PPARGC1A: variants seen among roughly 807,000 people sequenced by gnomAD.
The protein encoded by PPARGC1A is PPARG coactivator 1 alpha.
In PPARGC1A, 25 loss-of-function variants were observed where a neutral mutation model predicts 88.7. The ratio of observed to expected loss-of-function variants is 0.28; its 90% CI spans 0.21 to 0.39. The LOEUF (loss-of-function observed/expected upper bound fraction) is 0.39. Among genes scored for constraint, PPARGC1A ranks in the 10% least tolerant of loss-of-function variants. PPARGC1A has a pLI of 1.00. For missense variants in PPARGC1A, 880 were observed against 968.7 expected (o/e 0.91, Z 1.22); for synonymous variants, 363 against 355.6 (o/e 1.02, Z -0.24).
At chr4:24,390,155 A>G in the PPARGC1A span, among the ~76,000 whole-genome samples, 1 of 152,096 alleles carries the variant, frequency 6.6e-6, no homozygotes, top group Non-Finnish European at 1.5e-5. Flanking sequence ...CTAAGAGTTC[A>G]TGAAATATGA....
intron 2 of PPARGC1A, among the ~76,000 whole-genome samples, chr4:23,855,030 C>T (rs1006623806): frequency 1.9e-4 from 29 of 152,152 alleles, no homozygotes; most frequent in Admixed American, 7.2e-4. Context: ...ATCGTGGGGG[C>T]GCACTCCCCG....
the PPARGC1A span, among the ~76,000 whole-genome samples, chr4:23,955,047 T>C: frequency 2.6e-5 from 4 of 152,084 alleles, no homozygotes; most frequent in Non-Finnish European, 5.9e-5. Flanking sequence ...TTCTTCAAAC[T>C]CTTTCTTTTA....
chr4:23,956,801 C>G, the PPARGC1A span, among the ~76,000 whole-genome samples: 1 of 152,054 alleles, frequency 6.6e-6, no homozygotes, highest in Non-Finnish European at 1.5e-5. Flanking sequence ...CTCACCAAAC[C>G]AAGCTTGCCA....
the PPARGC1A span, among the ~76,000 whole-genome samples, chr4:24,358,812 C>T: frequency 6.6e-6 from 1 of 152,228 alleles, no homozygotes; most frequent in Admixed American, 6.5e-5. Flanking sequence ...TGCCCTGATG[C>T]AGGACTTTGG....
At chr4:24,461,589 CTA>C in the PPARGC1A span, among the ~76,000 whole-genome samples, 8 of 151,522 alleles carry the variant, frequency 5.3e-5, no homozygotes, top group African/African-American at 1.7e-4. Flanking sequence ...TATCATCCGT[CTA>C]TGTCTCTATC....
chr4:24,450,984 A>G, the PPARGC1A span, among the ~76,000 whole-genome samples: 2 of 152,206 alleles, frequency 1.3e-5, no homozygotes, highest in Non-Finnish European at 2.9e-5. Context: ...AACTCTTCTG[A>G]GTCTGCTCAA....
the PPARGC1A span, among the ~76,000 whole-genome samples, chr4:23,947,001 G>A: frequency 1.3e-5 from 2 of 151,982 alleles, no homozygotes; most frequent in Non-Finnish European, 2.9e-5. Flanking sequence ...TACGAAATTT[G>A]ATTTGTACTA....
At chr4:24,065,396 T>A in the PPARGC1A span, among the ~76,000 whole-genome samples, 1 of 152,114 alleles carries the variant, frequency 6.6e-6, no homozygotes, top group African/African-American at 2.4e-5. Flanking sequence ...GGGATTGCCT[T>A]CCATGCCTGC....
chr4:23,988,761 C>A, the PPARGC1A span, among the ~76,000 whole-genome samples: 1 of 150,050 alleles, frequency 6.7e-6, no homozygotes, highest in Non-Finnish European at 1.5e-5. Flanking sequence ...TATATATATA[C>A]ACACACACAT....
chr4:23,798,105 A>G (rs1026076348), intron 12 of PPARGC1A, among the ~76,000 whole-genome samples: 1 of 149,524 alleles, frequency 6.7e-6, no homozygotes, highest in Non-Finnish European at 1.5e-5. Context: ...TCCTTTACCT[A>G]CCCAAATCTT....
the PPARGC1A span, among the ~76,000 whole-genome samples, chr4:24,068,639 G>A: frequency 6.6e-6 from 1 of 152,156 alleles, no homozygotes. Context: ...GAAGGTGTTG[G>A]TGTCAGAACA....
At chr4:24,297,385 C>T in the PPARGC1A span, among the ~76,000 whole-genome samples, 1 of 152,144 alleles carries the variant, frequency 6.6e-6, no homozygotes, top group Non-Finnish European at 1.5e-5. Flanking sequence ...GTATTCTTCT[C>T]GGAAATGTAC....
At chr4:24,212,015 C>T in the PPARGC1A span, among the ~76,000 whole-genome samples, 6 of 152,130 alleles carry the variant, frequency 3.9e-5, no homozygotes, top group African/African-American at 1.4e-4. Context: ...CGTCTTTCTA[C>T]GCCCTTTCTA....
At chr4:23,884,673 G>T in intron 2 of PPARGC1A, 79 bp downstream of exon 2, 2 of 1,226,616 alleles carry the variant, frequency 1.6e-6, no homozygotes, top group Non-Finnish European at 2.2e-6. Flanking sequence ...AACTCATTAT[G>T]CATTCAGGTC....
At chr4:24,271,716 A>C in the PPARGC1A span, among the ~76,000 whole-genome samples, 3 of 152,128 alleles carry the variant, frequency 2.0e-5, no homozygotes, top group Non-Finnish European at 2.9e-5. Context: ...AACTGGGCTA[A>C]AGGTAAGTTC....
rs150282763 is a variant in PPARGC1A, at chr4:23,812,527, A to T, written c.2019+220T>A. ...AAAACAGTAATGAACTTCAAAATGAAACTGTGAGTGAGAAATATACTGACT... is the reference window on the plus strand; with the variant it reads ...AAAACAGTAATGAACTTCAAAATGATACTGTGAGTGAGAAATATACTGACT... On this transcript the variant is annotated intron_variant, in intron 10 of 12. Coordinates refer to ENST00000264867, the MANE Select transcript of PPARGC1A (RefSeq NM_013261.5). 6.8e-4 allele frequency among the ~76,000 whole-genome samples: 103 copies of T among 152,318 alleles called. 2 individuals carry two copies. In the East Asian group the frequency reaches 0.019, roughly 28 times the overall value.
the PPARGC1A span, among the ~76,000 whole-genome samples, chr4:24,016,641 G>C: frequency 5.3e-5 from 8 of 152,176 alleles, no homozygotes; most frequent in East Asian, 1.5e-3. Context: ...CAAGAGTTAT[G>C]AATATACTGT....
chr4:24,232,196 A>G, the PPARGC1A span, among the ~76,000 whole-genome samples: 1 of 142,042 alleles, frequency 7.0e-6, no homozygotes, highest in Non-Finnish European at 1.6e-5. Context: ...AGGGACAGGA[A>G]GGATTGAAAA....
chr4:23,892,538 A>T, upstream of PPARGC1A, among the ~76,000 whole-genome samples: 1 of 144,776 alleles, frequency 6.9e-6, no homozygotes. Flanking sequence ...TTTTTTCTTC[A>T]GTCCAGTTTT....
Sources: gnomAD v4.1 joint callset for allele counts (sites outside exome capture counted in the v4.1 genomes callset) on GRCh38, gnomAD v4.1.1 for gene constraint, MANE v1.5 for transcripts, NCBI Gene and HGNC (gene_info 2026-07-23, HGNC 2026-07-21) for gene names.